Variants in MYBL2 observed in about 807,000 individuals in gnomAD.
MYBL2 encodes the protein MYB proto-oncogene like 2.
MYBL2 carries 28 observed loss-of-function variants against 79.9 expected under a neutral mutation model. The observed-to-expected ratio is 0.35, with a 90% CI of 0.26 to 0.48. The LOEUF (loss-of-function observed/expected upper bound fraction) is 0.48. MYBL2 is among the 20% of genes least tolerant of loss of function. The probability of loss-of-function intolerance (pLI) is 0.99; values close to 1 mark genes in which losing one functional copy is unlikely to be tolerated. For missense variants in MYBL2, 735 were observed against 893.9 expected (o/e 0.82, Z 2.27); for synonymous variants, 378 against 361.2 (o/e 1.05, Z -0.53).
In MYBL2 at chr20:43,686,846, TCTA is replaced by T; in HGVS notation, c.280-5_280-3del. 1 of 1,613,820 alleles carries T rather than the reference TCTA, an allele frequency of 6.2e-7. No homozygotes were observed. The highest frequency in any genetic ancestry group is 8.5e-7 in the Non-Finnish European group (1 of 1,179,800). Reference sequence around the variant, plus strand: ...GCAAGTGGCTACCCAGAGACTTTTCTCTAAGGTCATCGAGCTGGTTAAGAAGTA... The same window carrying T: ...GCAAGTGGCTACCCAGAGACTTTTCTAGGTCATCGAGCTGGTTAAGAAGTA... On this transcript the variant is annotated splice_polypyrimidine_tract_variant and splice_region_variant and intron_variant, in intron 4 of 13. Coordinates refer to ENST00000217026, the MANE Select transcript of MYBL2 (RefSeq NM_002466.4).
intron 6 of MYBL2, among the ~76,000 whole-genome samples, chr20:43,693,313 T>A (rs1987456512): frequency 6.6e-6 from 1 of 152,202 alleles, no homozygotes; most frequent in Non-Finnish European, 1.5e-5. Flanking sequence ...ATTACAGATG[T>A]GAGCCACCAT....
intron 6 of MYBL2, among the ~76,000 whole-genome samples, chr20:43,694,247 G>C (rs1987479213): frequency 6.6e-6 from 1 of 151,346 alleles, no homozygotes; most frequent in Admixed American, 6.6e-5. Flanking sequence ...CAGGAGAATG[G>C]CGTGAACCCG....
intron 1 of MYBL2, among the ~76,000 whole-genome samples, chr20:43,670,536 A>G (rs1986831490): frequency 6.6e-6 from 1 of 152,126 alleles, no homozygotes; most frequent in Admixed American, 6.6e-5. Context: ...TTATTTGTAT[A>G]TTCAGTCAGT....
intron 4 of MYBL2, among the ~76,000 whole-genome samples, chr20:43,685,670 G>T (rs1017230870): frequency 2.6e-5 from 4 of 151,432 alleles, no homozygotes; most frequent in African/African-American, 9.7e-5. Flanking sequence ...CGGGAGAATC[G>T]CTTGAACCCA....
At chr20:43,673,731 C>T (rs826950) in intron 1 of MYBL2, 75 bp from the exon 2 acceptor site, 1,227,750 of 1,441,188 alleles carry the variant, frequency 0.85, 525,550 homozygotes, top group Non-Finnish European at 0.87. Context: ...GTGGGCTGGC[C>T]GCTGCCTACA....
chr20:43,694,159 C>T (rs996601323), intron 6 of MYBL2, among the ~76,000 whole-genome samples: 2 of 151,578 alleles, frequency 1.3e-5, no homozygotes, highest in African/African-American at 4.8e-5. Context: ...GGTGAAACCC[C>T]GTCTCTACTA....
intron 2 of MYBL2, among the ~76,000 whole-genome samples, chr20:43,681,086 C>T (rs1306565492): frequency 6.6e-6 from 1 of 152,166 alleles, no homozygotes; most frequent in East Asian, 1.9e-4. Context: ...ATCATAGTGA[C>T]ACTGAGATTC....
intron 8 of MYBL2, among the ~76,000 whole-genome samples, chr20:43,704,586 C>A (rs992677717): frequency 6.6e-6 from 1 of 152,176 alleles, no homozygotes; most frequent in African/African-American, 2.4e-5. Flanking sequence ...TATTATAGCA[C>A]CTTCAGGGCA....
At chr20:43,707,581 A>T (rs914744323) in intron 9 of MYBL2, among the ~76,000 whole-genome samples, 1 of 151,900 alleles carries the variant, frequency 6.6e-6, no homozygotes, top group African/African-American at 2.4e-5. Context: ...TTTTGTAGAG[A>T]TGGGGTTTCG....
intron 11 of MYBL2, among the ~76,000 whole-genome samples, chr20:43,712,203 G>A (rs1362153874): frequency 1.3e-5 from 2 of 152,156 alleles, no homozygotes; most frequent in African/African-American, 2.4e-5. Flanking sequence ...CCACTGCGTC[G>A]TTAGCTTTCA....
intron 2 of MYBL2, among the ~76,000 whole-genome samples, chr20:43,678,096 TGAAGGCA>T (rs1987055953): frequency 6.6e-6 from 1 of 150,382 alleles, no homozygotes; most frequent in Non-Finnish European, 1.5e-5. Flanking sequence ...AACAGACGCT[TGAAGGCA>T]GCATGCTCGT....
chr20:43,678,447 T>A (rs1431138142), intron 2 of MYBL2, among the ~76,000 whole-genome samples: 1 of 152,140 alleles, frequency 6.6e-6, no homozygotes, highest in Non-Finnish European at 1.5e-5. Context: ...TAGCTTGGTT[T>A]TTGGATTGTT....
chr20:43,709,937 A>G (rs1224397552), intron 9 of MYBL2, 26 bp from the exon 10 acceptor site: 2 of 1,564,294 alleles, frequency 1.3e-6, no homozygotes, highest in Non-Finnish European at 1.7e-6. Context: ...TCCTGTCACT[A>G]GTTCCCCCGT....
chr20:43,690,595 C>T (rs1288143151), intron 5 of MYBL2, among the ~76,000 whole-genome samples: 1 of 152,188 alleles, frequency 6.6e-6, no homozygotes, highest in Non-Finnish European at 1.5e-5. Context: ...GCCCAGTGAG[C>T]ATTGTGTCCC....
In MYBL2 at chr20:43,714,036, G is replaced by T. The variant is rs146228462; in HGVS notation, c.1824+930G>T. Among the ~76,000 whole-genome samples the T allele has an allele frequency of 1.0e-3, 153 of 152,332 alleles. No individual in the cohort carries two copies. In the Middle Eastern group the frequency reaches 0.014, roughly 14 times the overall value. ...TTGTCCTGGCTAGGGGTCTCTGACA[G>T]GCTGGGGACCTGCAGCCAGGTTACT... On this transcript the variant is annotated intron_variant, in intron 12 of 13. Coordinates refer to ENST00000217026, the MANE Select transcript of MYBL2 (RefSeq NM_002466.4).
intron 5 of MYBL2, among the ~76,000 whole-genome samples, chr20:43,688,208 C>T (rs1335874684): frequency 6.7e-6 from 1 of 149,834 alleles, no homozygotes; most frequent in Non-Finnish European, 1.5e-5. Flanking sequence ...TTTATTTATT[C>T]TTTTTTTTGG....
chr20:43,690,164 C>T (rs74480906), intron 5 of MYBL2, among the ~76,000 whole-genome samples: 27 of 150,176 alleles, frequency 1.8e-4, no homozygotes, highest in African/African-American at 4.9e-4. Context: ...GGGGCATCTT[C>T]GGTTGTGCCT....
chr20:43,701,953 G>A (rs1987681856), intron 7 of MYBL2, among the ~76,000 whole-genome samples: 4 of 152,126 alleles, frequency 2.6e-5, no homozygotes, highest in Admixed American at 2.6e-4. Context: ...ATCACCTGAG[G>A]TCAGGAGTTC....
Position 43,709,972 on chromosome 20 carries a change from C to T in MYBL2, c.1515C>T (p.Thr505=), listed in dbSNP as rs755638079. 2 of 1,605,874 alleles carry T rather than the reference C, an allele frequency of 1.2e-6. No homozygotes were observed. Among genetic ancestry groups the T allele is most frequent in the East Asian group, 4.5e-5 (2 of 44,610 alleles). ...TTCTGGCCCCTGGCAGGTTTGTAAC[C>T]CCAGATCAGAAGTACTCCATGGACA... The part of the protein sequence containing the change: ...PLHQKHAAFV[T]PDQKYSMDNT... Residue 505 remains threonine (T), a synonymous_variant, in exon 10 of 14, where the codon ACC becomes ACT. Transcript: ENST00000217026.
Sources: allele counts gnomAD v4.1 joint callset (sites outside exome capture counted in the v4.1 genomes callset), GRCh38; gene constraint gnomAD v4.1.1; transcripts MANE v1.5; gene names NCBI Gene and HGNC (gene_info 2026-07-23, HGNC 2026-07-21).